The following RALGAPB variants were observed in gnomAD, a reference collection of about 807,000 sequenced individuals.
RALGAPB encodes the protein Ral GTPase activating protein non-catalytic subunit beta.
A neutral mutation model predicts 161.1 loss-of-function variants in RALGAPB; 25 were observed. The ratio of observed to expected loss-of-function variants is 0.16; its 90% CI spans 0.11 to 0.22. RALGAPB has a LOEUF of 0.22. RALGAPB is among the 10% of genes least tolerant of loss of function. RALGAPB has a pLI of 1.00. For synonymous variants in RALGAPB, 629 were observed against 626.1 expected (o/e 1.00, Z -0.07); for missense variants, 1,391 against 1,815.2 (o/e 0.77, Z 4.25).
In RALGAPB at chr20:38,497,455, A is replaced by G. The variant is rs768564922; in HGVS notation, c.492A>G (p.Glu164=). Residue 164 remains glutamate, a synonymous_variant, in exon 4 of 30, where the codon GAA becomes GAG. Coordinates refer to ENST00000262879, the MANE Select transcript of RALGAPB (RefSeq NM_020336.4). The stretch of plus-strand genomic sequence containing the variant: ...CTCTCATGGCCCGAGAAACTTGGGA[A>G]GTCTTACTGTTGTTTCTTCTGCAGA... ...ESSLMARETW[E]VLLLFLLQIN... 6.2e-7 allele frequency: 1 copy of G among 1,614,126 alleles called. No individual in the cohort carries two copies. Among genetic ancestry groups the G allele is most frequent in the South Asian group, 1.1e-5 (1 of 91,066 alleles).
intron 24 of RALGAPB, among the ~76,000 whole-genome samples, chr20:38,563,868 C>T (rs552750908): frequency 6.6e-6 from 1 of 152,180 alleles, no homozygotes; most frequent in East Asian, 1.9e-4. Flanking sequence ...TGGCTTTGTC[C>T]CCAGCCTGGC....
chr20:38,528,299 A>T (rs2086533110), intron 13 of RALGAPB, among the ~76,000 whole-genome samples: 1 of 151,990 alleles, frequency 6.6e-6, no homozygotes, highest in African/African-American at 2.4e-5. Flanking sequence ...TCTGATAATG[A>T]GCATGTTTTT....
chr20:38,486,235 A>C (rs1011448643), intron 1 of RALGAPB, among the ~76,000 whole-genome samples: 1 of 152,026 alleles, frequency 6.6e-6, no homozygotes, highest in Non-Finnish European at 1.5e-5. Flanking sequence ...AGTCTCCCAA[A>C]GTGCTGGGAT....
intron 22 of RALGAPB, among the ~76,000 whole-genome samples, chr20:38,556,596 A>G (rs955906943): frequency 1.8e-4 from 27 of 152,226 alleles, no homozygotes; most frequent in African/African-American, 5.8e-4. Flanking sequence ...GATATTGACA[A>G]AAGTTACCTT....
At chr20:38,524,036 T>C (rs2086378638) in intron 10 of RALGAPB, among the ~76,000 whole-genome samples, 1 of 152,182 alleles carries the variant, frequency 6.6e-6, no homozygotes, top group South Asian at 2.1e-4. Context: ...GTGATGAAGT[T>C]GTTTCTGAAG....
chr20:38,531,191 A>T lies in RALGAPB; in HGVS notation c.2075A>T (p.Asp692Val). 6.2e-7 allele frequency: 1 copy of T among 1,610,946 alleles called. No individual in the cohort carries two copies. Among genetic ancestry groups the T allele is most frequent in the East Asian group, 2.2e-5 (1 of 44,814 alleles). ...GGGGCAATGTTAAATATTGTTCAAG[A>T]TTCAGCACTTTTGGAAGCCATTGGT... Reference protein sequence around the residue: ...ILGAMLNIVQDSALLEAIGCQ... With the variant: ...ILGAMLNIVQVSALLEAIGCQ... The change falls in exon 14 of 30, where the codon GAT becomes GTT. Residue 692 changes from aspartate (D) to valine (V), a missense_variant. This residue lies in a region of RALGAPB where 946 missense variants were observed against 1,257.2 expected (regional missense o/e 0.75). Transcript: ENST00000262879.
At chr20:38,548,908 C>T in intron 20 of RALGAPB, 113 bp downstream of exon 20, 1 of 851,532 alleles carries the variant, frequency 1.2e-6, no homozygotes, top group Non-Finnish European at 1.9e-6. Flanking sequence ...TAGCCAGATT[C>T]TCAGTCAGTG....
intron 2 of RALGAPB, among the ~76,000 whole-genome samples, chr20:38,488,953 T>A (rs535896326): frequency 6.6e-6 from 1 of 152,350 alleles, no homozygotes; most frequent in Non-Finnish European, 1.5e-5. Context: ...GATCTAGGCT[T>A]AGTCTTCTGA....
intron 5 of RALGAPB, among the ~76,000 whole-genome samples, chr20:38,505,886 C>T (rs1188769005): frequency 6.6e-6 from 1 of 152,038 alleles, no homozygotes; most frequent in African/African-American, 2.4e-5. Context: ...TTATCACACC[C>T]AAAAAAGTTG....
rs764628492 is a variant in RALGAPB at position 38,551,132 on chromosome 20, A to G, written c.3071A>G (p.Lys1024Arg). 1 of 1,613,990 alleles carries G rather than the reference A, an allele frequency of 6.2e-7. No homozygotes were observed. The highest frequency in any genetic ancestry group is 1.3e-5 in the African/African-American group (1 of 75,056). ...KNDVGFKYSV[K>R]HRPFPEEVDK... is the part of the protein sequence containing the mutation. ...GACGTTGGATTTAAATATTCTGTGA[A>G]ACATCGGCCATTTCCTGAAGAGGTG... is the stretch of plus-strand genomic sequence containing the variant. Residue 1024 changes from lysine (K) to arginine (R), a missense_variant, in exon 21 of 30, where the codon AAA becomes AGA. Lys to Arg is a conservative substitution (Grantham distance 26). Transcript: ENST00000262879.
intron 5 of RALGAPB, among the ~76,000 whole-genome samples, chr20:38,504,475 G>A (rs2085691535): frequency 6.6e-6 from 1 of 152,070 alleles, no homozygotes; most frequent in African/African-American, 2.4e-5. Context: ...CAAGCTATAA[G>A]AATACTAGAA....
At position 38,497,378 on chromosome 20, in the gene RALGAPB, C is replaced by G. The variant is rs1376277854; in HGVS notation, c.415C>G (p.Arg139Gly). 6.2e-7 allele frequency: 1 copy of G among 1,614,030 alleles called. No individual in the cohort carries two copies. The highest frequency in any genetic ancestry group is 8.5e-7 in the Non-Finnish European group (1 of 1,179,958). ...ACAGGAACAGGGTTCCAGTCAGATT[C>G]GACTATGCTTACAGGTCCTGAGAGC... The part of the protein sequence containing the change: ...PRQEQGSSQI[R>G]LCLQVLRAIQ... The change falls in exon 4 of 30, where the codon CGA becomes GGA. Residue 139 changes from arginine (R) to glycine (G), a missense_variant. Around this residue, in one of 3 missense-constraint regions of RALGAPB, gnomAD observed 946 missense variants for 1,257.2 expected, o/e 0.75. Transcript: ENST00000262879.
At chr20:38,544,521 G>A (rs1407739488) in intron 18 of RALGAPB, among the ~76,000 whole-genome samples, 1 of 152,172 alleles carries the variant, frequency 6.6e-6, no homozygotes, top group African/African-American at 2.4e-5. Flanking sequence ...AGGCTGGAGT[G>A]CAATGGCATG....
At chr20:38,569,006 G>A (rs1452620958) in intron 26 of RALGAPB, 1 of 152,162 alleles carries the variant, frequency 6.6e-6, no homozygotes, top group East Asian at 1.9e-4. Flanking sequence ...AAAGTAGTCT[G>A]TGAATATGGC....
intron 26 of RALGAPB, chr20:38,568,381 C>T (rs1427410095): frequency 1.3e-5 from 2 of 152,160 alleles, no homozygotes; most frequent in Non-Finnish European, 2.9e-5. Context: ...AGAACTTTCT[C>T]AACTTGATAC....
chr20:38,558,248 A>G (rs1208882711), intron 22 of RALGAPB, 47 bp from the exon 23 acceptor site: 3 of 1,398,888 alleles, frequency 2.1e-6, no homozygotes, highest in African/African-American at 1.5e-5. Flanking sequence ...AATTATAACA[A>G]TGAAAGAAAA....
intron 1 of RALGAPB, among the ~76,000 whole-genome samples, chr20:38,477,199 T>C (rs2084828136): frequency 6.6e-6 from 1 of 152,206 alleles, no homozygotes; most frequent in Non-Finnish European, 1.5e-5. Flanking sequence ...ACCAAGGAAG[T>C]GATGTTTGAC....
chr20:38,546,870 C>A (rs2145417172), intron 19 of RALGAPB: 1 of 159,182 alleles, frequency 6.3e-6, no homozygotes, highest in South Asian at 1.8e-4. Context: ...TAATTAGTTT[C>A]TAAGTTTCCA....
At position 38,539,670 on chromosome 20, in the gene RALGAPB, G is replaced by T. The variant is rs986387649; in HGVS notation, c.2380-106G>T. Reference sequence around the variant, plus strand: ...ATAATATAAAAAAGCAAGGCTTCCTGTAGTGTATGACATTGTCAAATAGGT... The same window carrying T: ...ATAATATAAAAAAGCAAGGCTTCCTTTAGTGTATGACATTGTCAAATAGGT... On this transcript the variant is annotated intron_variant, in intron 16 of 29. Coordinates refer to ENST00000262879, the MANE Select transcript of RALGAPB (RefSeq NM_020336.4). 3.5e-5 allele frequency: 35 copies of T among 989,766 alleles called. No individual in the cohort carries two copies. In the Admixed American group the frequency reaches 9.2e-4, roughly 26 times the overall value. The allele number at this position is 989,766 out of a possible 1,614,324, so 61.3% of individuals were successfully genotyped here. A position where few individuals can be genotyped will look rare whatever the true frequency, so the allele number is the denominator to read the frequency against.
Sources: allele counts gnomAD v4.1 joint callset (sites outside exome capture counted in the v4.1 genomes callset), GRCh38; gene constraint gnomAD v4.1.1; regional missense constraint gnomAD v4.1.1; transcripts MANE v1.5; gene names NCBI Gene and HGNC (gene_info 2026-07-23, HGNC 2026-07-21).